Variants in SDR42E2 observed in about 807,000 individuals in gnomAD.
The protein encoded by SDR42E2 is putative short-chain dehydrogenase/reductase family 42E member 2.
Under a neutral mutation model 10.5 loss-of-function variants are expected in SDR42E2, and 20 were observed. The ratio of observed to expected loss-of-function variants is 1.90; its 90% CI spans 1.34 to 2.77. The LOEUF is 2.77. SDR42E2 is among the 30% of genes most tolerant of loss of function. SDR42E2 has a pLI of 0.00. For synonymous variants in SDR42E2, 72 were observed against 39.2 expected (o/e 1.84, Z -3.12); for missense variants, 162 against 104.2 (o/e 1.55, Z -2.42).
chr16:22,186,530 G>A (rs2046737920), intron 11 of SDR42E2, among the ~76,000 whole-genome samples, 191 bp from the exon 12 acceptor site: 1 of 152,174 alleles, frequency 6.6e-6, no homozygotes, highest in Non-Finnish European at 1.5e-5. Flanking sequence ...TTAAAAACAA[G>A]TTACTTGTGA....
intron 8 of SDR42E2, among the ~76,000 whole-genome samples, chr16:22,181,315 A>T (rs562051439): frequency 6.6e-6 from 1 of 152,176 alleles, no homozygotes; most frequent in East Asian, 1.9e-4. Context: ...GGTGGGAGAG[A>T]CGATCAGATG....
rs554687820 is a variant in SDR42E2, at chr16:22,191,599, G to GC, written c.*1209dup. Reference sequence around the variant, plus strand: ...AAACCGAGACTCAAGCTTCTGCCGAGCCCGACTTGGCCTTTTTGGGTTCCT... The same window carrying GC: ...AAACCGAGACTCAAGCTTCTGCCGAGCCCCGACTTGGCCTTTTTGGGTTCCT... On this transcript the variant is annotated 3_prime_UTR_variant, in exon 13 of 13. Coordinates refer to ENST00000602312, the MANE Select transcript of SDR42E2 (RefSeq NM_001394319.2). 43 of 152,106 alleles carry GC rather than the reference G, an allele frequency of 2.8e-4. No homozygotes were observed. The East Asian group carries it at 8.3e-3, about 29-fold the overall frequency. 9.4% of individuals were successfully genotyped at this position (152,106 alleles called of 1,614,324 possible).
At chr16:22,164,124 A>G (rs1172677025) in intron 1 of SDR42E2, among the ~76,000 whole-genome samples, 1 of 152,022 alleles carries the variant, frequency 6.6e-6, no homozygotes, top group Non-Finnish European at 1.5e-5. Context: ...GCTTGCCCTG[A>G]GTCTAGACTG....
intron 10 of SDR42E2, among the ~76,000 whole-genome samples, chr16:22,183,359 C>A (rs2046711589): frequency 6.6e-6 from 1 of 152,130 alleles, no homozygotes. Flanking sequence ...AGGCTGATCT[C>A]GATGCTTCCA....
chr16:22,167,176 T>G (rs1225253844), intron 4 of SDR42E2, among the ~76,000 whole-genome samples, 177 bp downstream of exon 4: 31 of 104,566 alleles, frequency 3.0e-4, no homozygotes, highest in African/African-American at 7.4e-4. Flanking sequence ...TTTTTTTTTT[T>G]TTTTTTTTTT....
chr16:22,165,875 G>T (rs953764236), intron 2 of SDR42E2, among the ~76,000 whole-genome samples: 1 of 152,130 alleles, frequency 6.6e-6, no homozygotes, highest in African/African-American at 2.4e-5. Context: ...CCTGGGCCAG[G>T]AGCTGGGTCC....
In SDR42E2 at chr16:22,184,241, A is replaced by T. The variant is rs927656033; in HGVS notation, c.937A>T (p.Thr313Ser). The T allele has an allele frequency of 2.5e-6, 1 of 401,230 alleles. No homozygotes were observed. Among genetic ancestry groups the T allele is most frequent in the African/African-American group, 2.1e-5 (1 of 48,692 alleles). The allele number at this position is 401,230 out of a possible 1,614,324, so 24.9% of individuals were successfully genotyped here. ...GGTGCCTACTTCCTGGGTTTACCTG[A>T]CAGGTAAGGAAAGGAGTGTGCGTAG... ...IQVPTSWVYL[T>S]AAVMERLHLA... Residue 313 changes from threonine (T) to serine (S), a missense_variant, in exon 11 of 13, where the codon ACA becomes TCA. Thr to Ser is a moderately conservative substitution (Grantham distance 58, BLOSUM62 1). Coordinates refer to ENST00000602312, the MANE Select transcript of SDR42E2 (RefSeq NM_001394319.2).
In SDR42E2 at chr16:22,190,317, T is replaced by C; in HGVS notation, c.1193T>C (p.Leu398Pro). ...CTGCGCCTGCTGCTCAGGCTGCTGC[T>C]GTTCCTCGGCTTGCTCGCCCTGGCC... ...TLLRLLLRLL[L>P]FLGLLALALH... The change falls in exon 13 of 13, where the codon CTG becomes CCG. Residue 398 changes from leucine (L) to proline (P), a missense_variant. Physicochemically the swap from Leu to Pro is moderately conservative, Grantham distance 98. Coordinates refer to ENST00000602312, the MANE Select transcript of SDR42E2 (RefSeq NM_001394319.2). The C allele has an allele frequency of 2.5e-6, 1 of 402,546 alleles. No individual in the cohort carries two copies. Among genetic ancestry groups the C allele is most frequent in the South Asian group, 1.2e-4 (1 of 8,428 alleles). 24.9% of individuals were successfully genotyped at this position (402,546 alleles called of 1,614,324 possible). A position where few individuals can be genotyped will look rare whatever the true frequency, so the allele number is the denominator to read the frequency against.
At position 22,181,542 on chromosome 16, in the gene SDR42E2, C is replaced by T. The variant is rs1598142569; in HGVS notation, c.696C>T (p.Phe232=). ...RVAGHIKKRL[F]MFRFGDHKAR... ...AGGGCCACATCAAGAAGAGGCTGTT[C>T]ATGTTCCGATTTGGGGACCACAAGG... Residue 232 remains phenylalanine, a synonymous_variant, in exon 9 of 13, where the codon TTC becomes TTT. Transcript: ENST00000602312. 4 of 703,024 alleles carry T rather than the reference C, an allele frequency of 5.7e-6. No homozygotes were observed. The East Asian group carries it at 8.0e-5, about 14-fold the overall frequency. The allele number at this position is 703,024 out of a possible 1,614,324, so 43.5% of individuals were successfully genotyped here.
chr16:22,175,671 A>C (rs1304780358), intron 7 of SDR42E2, among the ~76,000 whole-genome samples: 1 of 151,334 alleles, frequency 6.6e-6, no homozygotes, highest in Non-Finnish European at 1.5e-5. Flanking sequence ...ACAGAGTGAG[A>C]CCCTGTCTCT....
At chr16:22,188,872 CAAG>C (rs1369480829) in intron 12 of SDR42E2, among the ~76,000 whole-genome samples, 4 of 152,088 alleles carry the variant, frequency 2.6e-5, no homozygotes, top group Non-Finnish European at 5.9e-5. Context: ...GCAACGGAGG[CAAG>C]AAGACATAGT....
At chr16:22,170,244 C>G (rs2046585864) in intron 5 of SDR42E2, among the ~76,000 whole-genome samples, 1 of 151,790 alleles carries the variant, frequency 6.6e-6, no homozygotes, top group African/African-American at 2.4e-5. Flanking sequence ...ATCCCAGCTA[C>G]TCGGGAGGCT....
In SDR42E2 at chr16:22,181,582, G is replaced by C. The variant is rs574584549; in HGVS notation, c.736G>C (p.Val246Leu). 4.4e-5 allele frequency: 31 copies of C among 703,056 alleles called. No homozygotes were observed. The Middle Eastern group carries it at 9.2e-4, about 21-fold the overall frequency. The allele number at this position is 703,056 out of a possible 1,614,324, so 43.6% of individuals were successfully genotyped here. ...GGACCACAAGGCACGGATGAACTGGGTCCACGTACACAATCTGGTGCAGGC... is the reference window on the plus strand; with the variant it reads ...GGACCACAAGGCACGGATGAACTGGCTCCACGTACACAATCTGGTGCAGGC... ...FGDHKARMNW[V>L]HVHNLVQAHV... is the part of the protein sequence containing the mutation. Residue 246 changes from valine to leucine, a missense_variant, in exon 9 of 13, where the codon GTC becomes CTC. Coordinates refer to ENST00000602312, the MANE Select transcript of SDR42E2 (RefSeq NM_001394319.2).
intron 7 of SDR42E2, among the ~76,000 whole-genome samples, chr16:22,174,319 C>T (rs942754885): frequency 1.3e-4 from 20 of 151,840 alleles, no homozygotes; most frequent in African/African-American, 2.2e-4. Context: ...GGAGACAGAG[C>T]GAGACTCCAT....
intron 10 of SDR42E2, among the ~76,000 whole-genome samples, 194 bp downstream of exon 10, chr16:22,182,471 C>T (rs775572465): frequency 6.6e-6 from 1 of 152,028 alleles, no homozygotes; most frequent in African/African-American, 2.4e-5. Flanking sequence ...CTCAGCCTCC[C>T]GAGTAGCTGG....
rs753032487 is a variant in SDR42E2 at position 22,172,251 on chromosome 16, G to A, written c.514-5G>A. 39 of 702,912 alleles carry A rather than the reference G, an allele frequency of 5.5e-5. No homozygotes were observed. Among genetic ancestry groups the A allele is most frequent in the Non-Finnish European group, 9.1e-5 (35 of 384,996 alleles). The allele number at this position is 702,912 out of a possible 1,614,324, so 43.5% of individuals were successfully genotyped here. Reference sequence around the variant, plus strand: ...GGTGGTTCTGTTTTTCCTGGCCTCTGGCAGCACGTAGACCACTACTCCCGA... The same window carrying A: ...GGTGGTTCTGTTTTTCCTGGCCTCTAGCAGCACGTAGACCACTACTCCCGA... On this transcript the variant is annotated splice_region_variant and splice_polypyrimidine_tract_variant and intron_variant, in intron 6 of 12. Coordinates refer to ENST00000602312, the MANE Select transcript of SDR42E2 (RefSeq NM_001394319.2).
chr16:22,178,997 A>G (rs916204929), intron 8 of SDR42E2, among the ~76,000 whole-genome samples: 33 of 151,792 alleles, frequency 2.2e-4, no homozygotes, highest in Non-Finnish European at 4.0e-4. Flanking sequence ...GCTTGGCTAT[A>G]TGTCTTTTTG....
At chr16:22,174,241 G>C (rs1447423217) in intron 7 of SDR42E2, among the ~76,000 whole-genome samples, 1 of 152,008 alleles carries the variant, frequency 6.6e-6, no homozygotes, top group African/African-American at 2.4e-5. Context: ...GCTGAGGCAG[G>C]AGAATCCCTT....
chr16:22,178,670 G>C (rs1471969656), intron 8 of SDR42E2, among the ~76,000 whole-genome samples: 1 of 152,236 alleles, frequency 6.6e-6, no homozygotes, highest in Non-Finnish European at 1.5e-5. Flanking sequence ...GCTTCAATGT[G>C]GGGAGGGCTG....
Sources: gnomAD v4.1 joint callset for allele counts (sites outside exome capture counted in the v4.1 genomes callset) on GRCh38, gnomAD v4.1.1 for gene constraint, MANE v1.5 for transcripts, NCBI Gene and HGNC (gene_info 2026-07-23, HGNC 2026-07-21) for gene names.